PGGHG: variants seen among roughly 807,000 people sequenced by gnomAD.
PGGHG encodes the protein protein-glucosylgalactosylhydroxylysine glucosidase.
In PGGHG, 67 loss-of-function variants were observed where a neutral mutation model predicts 74.5. That is an observed-to-expected ratio of 0.90 (90% CI 0.74 to 1.10). PGGHG has a LOEUF of 1.10. PGGHG is among the 50% of genes least tolerant of loss of function. The pLI is 0.00. For missense variants in PGGHG, 1,034 were observed against 981.5 expected, an observed-to-expected ratio of 1.05 and a Z score of -0.72; for synonymous variants, 496 against 419.9, an observed-to-expected ratio of 1.18 and a Z score of -2.21.
At position 295,315 on chromosome 11, in the gene PGGHG, A is replaced by C. The variant is rs1227083651; in HGVS notation, c.*566A>C. 6.6e-6 allele frequency: 1 copy of C among 152,270 alleles called. No homozygotes were observed. Among genetic ancestry groups the C allele is most frequent in the Admixed American group, 6.5e-5 (1 of 15,292 alleles). 9.4% of individuals were successfully genotyped at this position (152,270 alleles called of 1,614,324 possible). On this transcript the variant is annotated 3_prime_UTR_variant, in exon 14 of 14. Coordinates refer to ENST00000409548, the MANE Select transcript of PGGHG (RefSeq NM_025092.5). ...CTCTTGACTCTGGGCAGCTTTAATCAGGTTGGGCAGCCTCTGCTACAGCGT... is the reference window on the plus strand; with the variant it reads ...CTCTTGACTCTGGGCAGCTTTAATCCGGTTGGGCAGCCTCTGCTACAGCGT...
At chr11:293,087 C>G in intron 7 of PGGHG, 76 bp from the exon 8 acceptor site, 1 of 1,613,800 alleles carries the variant, frequency 6.2e-7, no homozygotes, top group Non-Finnish European at 8.5e-7. Flanking sequence ...GTGTGCCAGC[C>G]CCACGCTGAC....
chr11:294,778 T>C lies in PGGHG; in HGVS notation c.*29T>C, dbSNP rs1026080635. On this transcript the variant is annotated 3_prime_UTR_variant, in exon 14 of 14. Transcript: ENST00000409548. ...GGAACGGTGGCTTCAGAGACGTCTC[T>C]TGGGCCTTCCCTCTGGCCACGTCTG... is the stretch of plus-strand genomic sequence containing the variant. 1.3e-6 allele frequency: 2 copies of C among 1,561,982 alleles called. No homozygotes were observed. The highest frequency in any genetic ancestry group is 1.7e-6 in the Non-Finnish European group (2 of 1,150,118).
rs769396243 is a variant in PGGHG at position 294,533 on chromosome 11, C to G, written c.2021-23C>G. On this transcript the variant is annotated intron_variant, in intron 13 of 13. Transcript: ENST00000409548. ...TGCGACCCCAGGCTGCCCCTCACCC[C>G]CAGGCTGCCTCTCTCCCTGCAGGAC... 4.4e-5 allele frequency: 69 copies of G among 1,574,802 alleles called. 1 individual carries two copies. The highest frequency in any genetic ancestry group is 2.6e-4 in the Admixed American group (15 of 58,526).
At chr11:293,134 T>C (rs750468855) in intron 7 of PGGHG, 29 bp from the exon 8 acceptor site, 39 of 1,613,772 alleles carry the variant, frequency 2.4e-5, no homozygotes, top group Non-Finnish European at 3.1e-5. Flanking sequence ...GACTCTGCAC[T>C]GAGCACCATC....
chr11:290,903 A>G lies in PGGHG; in HGVS notation c.696A>G (p.Ala232=). Residue 232 remains alanine, a synonymous_variant, in exon 4 of 14, where the codon GCA becomes GCG. Transcript: ENST00000409548. The part of the protein sequence containing the change: ...QARGALYTAH[A]QAWAQLWVEC... ...GGGGAGCTCTGTATACGGCTCACGC[A>G]CAGGCCTGGGCCCAGCTCTGGGTAG... 6.2e-7 allele frequency: 1 copy of G among 1,611,952 alleles called. No individual in the cohort carries two copies. The highest frequency in any genetic ancestry group is 8.5e-7 in the Non-Finnish European group (1 of 1,179,412).
At position 294,681 on chromosome 11, in the gene PGGHG, C is replaced by T. The variant is rs200803433; in HGVS notation, c.2146C>T (p.Pro716Ser). The T allele has an allele frequency of 1.2e-6, 2 of 1,613,556 alleles. No individual in the cohort carries two copies. Among genetic ancestry groups the T allele is most frequent in the African/African-American group, 2.7e-5 (2 of 75,020 alleles). Residue 716 changes from proline to serine, a missense_variant, in exon 14 of 14, where the codon CCC becomes TCC. Coordinates refer to ENST00000409548, the MANE Select transcript of PGGHG (RefSeq NM_025092.5). ...AGATGTTAGGGACCCGCTCCAGAGC[C>T]CCCTCTGGGTCACCCTGGGTTCCTC... ...FSDVRDPLQS[P>S]LWVTLGSSSP...
In PGGHG at chr11:289,610, G is replaced by C. The variant is rs972347070; in HGVS notation, c.-13-194G>C. 2 of 663,344 alleles carry C rather than the reference G, an allele frequency of 3.0e-6. No homozygotes were observed. The highest frequency in any genetic ancestry group is 5.0e-6 in the Non-Finnish European group (2 of 400,000). 41.1% of individuals were successfully genotyped at this position (663,344 alleles called of 1,614,324 possible). On this transcript the variant is annotated intron_variant, in intron 1 of 13. Transcript: ENST00000409548. This position sits in a 1 kb window ranked among gnomAD's most constrained non-coding sequence, Gnocchi z 5.6. ...TGGGTTCCTGGAGATCAACCTTTGG[G>C]GTCTGAGCCCCTCTGAGAGTCGAGC... is the stretch of plus-strand genomic sequence containing the variant.
chr11:293,656 C>A lies in PGGHG; in HGVS notation c.1543C>A (p.Pro515Thr). 1 of 1,613,516 alleles carries A rather than the reference C, an allele frequency of 6.2e-7. No individual in the cohort carries two copies. Among genetic ancestry groups the A allele is most frequent in the Middle Eastern group, 1.6e-4 (1 of 6,062 alleles). The stretch of plus-strand genomic sequence containing the variant: ...ATACCCAGTCCCCTTCTCCCTGAGT[C>A]CTGATGTTCGCAGGAAAAATCTGGA... Reference protein sequence around the residue: ...LGYPVPFSLSPDVRRKNLEIY... With the variant: ...LGYPVPFSLSTDVRRKNLEIY... Residue 515 changes from proline (P) to threonine (T), a missense_variant, in exon 10 of 14, where the codon CCT becomes ACT. Physicochemically the swap from Pro to Thr is conservative, Grantham distance 38 (BLOSUM62 -1). Coordinates refer to ENST00000409548, the MANE Select transcript of PGGHG (RefSeq NM_025092.5).
intron 7 of PGGHG, 70 bp downstream of exon 7, chr11:293,067 G>A (rs771504751): frequency 6.2e-7 from 1 of 1,613,850 alleles, no homozygotes; most frequent in South Asian, 1.1e-5. Context: ...ATGATTTTCA[G>A]ACACCTCACG....
Position 290,874 on chromosome 11 carries a change from G to T in PGGHG, c.667G>T (p.Ala223Ser), listed in dbSNP as rs766732835. 6.2e-7 allele frequency: 1 copy of T among 1,611,440 alleles called. No individual in the cohort carries two copies. The highest frequency in any genetic ancestry group is 8.5e-7 in the Non-Finnish European group (1 of 1,179,278). ...CCTCACTGAGGCCCTGCAGCTGCAGGCCAGGGGAGCTCTGTATACGGCTCA... is the reference window on the plus strand; with the variant it reads ...CCTCACTGAGGCCCTGCAGCTGCAGTCCAGGGGAGCTCTGTATACGGCTCA... Reference protein sequence around the residue: ...ACLTEALQLQARGALYTAHAQ... With the variant: ...ACLTEALQLQSRGALYTAHAQ... The change falls in exon 4 of 14, where the codon GCC becomes TCC. Residue 223 changes from alanine (A) to serine (S), a missense_variant. Physicochemically the swap from Ala to Ser is moderately conservative, Grantham distance 99. Transcript: ENST00000409548.
In PGGHG at chr11:289,711, C is replaced by T. The variant is rs1390452311; in HGVS notation, c.-13-93C>T. 5.7e-5 allele frequency: 80 copies of T among 1,415,322 alleles called. No homozygotes were observed. The highest frequency in any genetic ancestry group is 7.2e-5 in the Non-Finnish European group (77 of 1,072,840). 87.7% of individuals were successfully genotyped at this position (1,415,322 alleles called of 1,614,324 possible). A position where few individuals can be genotyped will look rare whatever the true frequency, so the allele number is the denominator to read the frequency against. The stretch of plus-strand genomic sequence containing the variant: ...GCCCAGCTGGTTCCGCAACTCCCCC[C>T]AGTTCTGAGGGAGGCTTCAGGGGAT... On this transcript the variant is annotated intron_variant, in intron 1 of 13. Transcript: ENST00000409548. This position sits in a 1 kb window ranked among gnomAD's most constrained non-coding sequence, Gnocchi z 5.6.
Position 289,647 on chromosome 11 carries a change from G to A in PGGHG, c.-13-157G>A, listed in dbSNP as rs981192598. The A allele has an allele frequency of 2.2e-6, 2 of 916,702 alleles. No homozygotes were observed. Among genetic ancestry groups the A allele is most frequent in the Non-Finnish European group, 3.2e-6 (2 of 629,270 alleles). The allele number at this position is 916,702 out of a possible 1,614,324, so 56.8% of individuals were successfully genotyped here. ...TCTGAGAGTCGAGCTCCTTTCCTGC[G>A]AGGCCCCGTCTAGGAGGGGCCTCAG... On this transcript the variant is annotated intron_variant, in intron 1 of 13. Transcript: ENST00000409548. This position sits in a 1 kb window ranked among gnomAD's most constrained non-coding sequence, Gnocchi z 5.6.
At position 294,696 on chromosome 11, in the gene PGGHG, C is replaced by G. The variant is rs1399716050; in HGVS notation, c.2161C>G (p.Leu721Val). 6.2e-7 allele frequency: 1 copy of G among 1,612,946 alleles called. No individual in the cohort carries two copies. The highest frequency in any genetic ancestry group is 8.5e-7 in the Non-Finnish European group (1 of 1,179,724). The change falls in exon 14 of 14, where the codon CTG becomes GTG. Residue 721 changes from leucine to valine, a missense_variant. By Grantham distance (32) the Leu-to-Val change is conservative (BLOSUM62 1). Coordinates refer to ENST00000409548, the MANE Select transcript of PGGHG (RefSeq NM_025092.5). ...DPLQSPLWVT[L>V]GSSSPTESLT... ...GCTCCAGAGCCCCCTCTGGGTCACCCTGGGTTCCTCCAGCCCCACCGAGTC... is the reference window on the plus strand; with the variant it reads ...GCTCCAGAGCCCCCTCTGGGTCACCGTGGGTTCCTCCAGCCCCACCGAGTC...
At chr11:291,706 C>T in intron 4 of PGGHG, 1 of 400,900 alleles carries the variant, frequency 2.5e-6, no homozygotes, top group Non-Finnish European at 4.5e-6. Context: ...CCTGAAGCTG[C>T]CCATGCGCAT....
At chr11:293,300 C>G (rs1346655547) in intron 8 of PGGHG, 65 bp downstream of exon 8, 32 of 1,602,580 alleles carry the variant, frequency 2.0e-5, no homozygotes, top group Middle Eastern at 1.7e-4. Flanking sequence ...CCCCGGTGCC[C>G]CCACTAGGCA....
Position 289,969 on chromosome 11 carries a change from G to A in PGGHG, c.153G>A (p.Gly51=), listed in dbSNP as rs1310996481. The A allele has an allele frequency of 6.5e-7, 1 of 1,549,960 alleles. No individual in the cohort carries two copies. The highest frequency in any genetic ancestry group is 1.4e-5 in the African/African-American group (1 of 73,026). Residue 51 remains glycine (G), a synonymous_variant, in exon 2 of 14, where the codon GGG becomes GGA. Coordinates refer to ENST00000409548, the MANE Select transcript of PGGHG (RefSeq NM_025092.5). This position sits in a 1 kb window ranked among gnomAD's most constrained non-coding sequence, Gnocchi z 5.6. The stretch of plus-strand genomic sequence containing the variant: ...GCGGCGTGTACAATGGGGCTGGCGG[G>A]GACACGCACCGGGCCATGCTGCCCA... ...HVSGVYNGAG[G]DTHRAMLPSP... is the part of the protein sequence containing the mutation.
rs1165177661 is a variant in PGGHG, at chr11:294,649, C to T, written c.2114C>T (p.Thr705Ile). Residue 705 changes from threonine to isoleucine, a missense_variant, in exon 14 of 14, where the codon ACT (threonine) becomes ATT (isoleucine). Coordinates refer to ENST00000409548, the MANE Select transcript of PGGHG (RefSeq NM_025092.5). ...GSSSSEFPGR[T>I]FSDVRDPLQS... ...TCCAGCTCCGAGTTCCCTGGGAGGA[C>T]TTTTTCAGATGTTAGGGACCCGCTC... 6.2e-7 allele frequency: 1 copy of T among 1,613,440 alleles called. No individual in the cohort carries two copies. The highest frequency in any genetic ancestry group is 8.5e-7 in the Non-Finnish European group (1 of 1,179,964).
At position 290,727 on chromosome 11, in the gene PGGHG, C is replaced by T; in HGVS notation, c.520C>T (p.Gln174Ter). The T allele has an allele frequency of 6.2e-7, 1 of 1,606,138 alleles. No individual in the cohort carries two copies. The highest frequency in any genetic ancestry group is 8.5e-7 in the Non-Finnish European group (1 of 1,175,436). ...LTPEQPGGPQ[Q>*]EVHMLWTPAP... Reference sequence around the variant, plus strand: ...CCCTGAGCAGCCCGGGGGGCCACAGCAAGAGGTACACATGCTGTGGACACC... The same window carrying T: ...CCCTGAGCAGCCCGGGGGGCCACAGTAAGAGGTACACATGCTGTGGACACC... The change falls in exon 4 of 14, where the codon CAA becomes TAA. Residue 174 changes from glutamine (Q) to a stop codon, truncating the protein, a stop_gained. Transcript: ENST00000409548. LOFTEE classifies it high-confidence loss of function.
rs1845795862 is a variant in PGGHG at position 293,725 on chromosome 11, T to C, written c.1612T>C (p.Trp538Arg). 1.2e-6 allele frequency: 2 copies of C among 1,613,352 alleles called. No individual in the cohort carries two copies. Among genetic ancestry groups the C allele is most frequent in the Non-Finnish European group, 1.7e-6 (2 of 1,179,984 alleles). Residue 538 changes from tryptophan (W) to arginine (R), a missense_variant and splice_region_variant, in exon 10 of 14, where the codon TGG (tryptophan) becomes CGG (arginine). Coordinates refer to ENST00000409548, the MANE Select transcript of PGGHG (RefSeq NM_025092.5). The stretch of plus-strand genomic sequence containing the variant: ...GTCCCCCCAGGGCCCCGCCATGACC[T>C]GGGTGAGCACCCTGGGGCTGTGGAG... ...VTSPQGPAMT[W>R]SMFAVGWMEL...
Sources: gnomAD v4.1 joint callset for allele counts on GRCh38, gnomAD v4.1.1 for gene constraint, Gnocchi (gnomAD v3.1) non-coding constraint, MANE v1.5 for transcripts, NCBI Gene and HGNC (gene_info 2026-07-23, HGNC 2026-07-21) for gene names.